The following ZNF366 variants were observed in gnomAD, a reference collection of about 807,000 sequenced individuals.
ZNF366 encodes the protein zinc finger protein 366, also known as dendritic cell-specific transcript protein.
In ZNF366, 20 loss-of-function variants were observed where a neutral mutation model predicts 47.2. The ratio of observed to expected loss-of-function variants is 0.42; its 90% CI spans 0.30 to 0.62. ZNF366 has a LOEUF of 0.62. Among genes scored for constraint, ZNF366 ranks in the 20% least tolerant of loss-of-function variants. ZNF366 has a pLI of 0.16. For synonymous variants in ZNF366, 421 were observed against 395.1 expected (o/e 1.07, Z -0.78); for missense variants, 987 against 976.3 (o/e 1.01, Z -0.15).
At chr5:72,447,455 C>G (rs1742982788) in intron 3 of ZNF366, 38 bp from the exon 4 acceptor site, 4 of 1,608,624 alleles carry the variant, frequency 2.5e-6, no homozygotes, top group Middle Eastern at 1.9e-4. Context: ...GTTACTCTGC[C>G]CGAGTGAAGC....
chr5:72,470,265 C>T (rs1002821030), intron 1 of ZNF366, among the ~76,000 whole-genome samples: 16 of 152,276 alleles, frequency 1.1e-4, no homozygotes, highest in African/African-American at 3.8e-4. Flanking sequence ...TCCTAAGTTG[C>T]CATGGCCCCA....
chr5:72,444,435 G>A (rs150528956), intron 4 of ZNF366, 144 bp from the exon 5 acceptor site: 11,160 of 998,758 alleles, frequency 0.011, 130 homozygotes, highest in Non-Finnish European at 0.011. Context: ...TGTGGTCTTG[G>A]GAGGCTTGTA....
At chr5:72,455,081 T>C (rs1454102046) in intron 3 of ZNF366, among the ~76,000 whole-genome samples, 2 of 152,314 alleles carry the variant, frequency 1.3e-5, no homozygotes, top group East Asian at 3.9e-4. Context: ...GATTCTTGCT[T>C]TAGACGGATG....
At chr5:72,491,958 G>A (rs1195850270) in intron 1 of ZNF366, among the ~76,000 whole-genome samples, 9 of 152,188 alleles carry the variant, frequency 5.9e-5, no homozygotes, top group African/African-American at 2.2e-4. Context: ...GGATGGTGGT[G>A]GTGGAGGAGT....
At position 72,460,807 on chromosome 5, in the gene ZNF366, C is replaced by G. The variant is rs1300302220; in HGVS notation, c.690G>C (p.Glu230Asp). ...CGATCTGCACGTTCACGTCCACCCTCTCCACCTTCTGCTTGGTCTCCTCGC... is the reference window on the plus strand; with the variant it reads ...CGATCTGCACGTTCACGTCCACCCTGTCCACCTTCTGCTTGGTCTCCTCGC... Reference protein sequence around the residue: ...QESEETKQKVERVDVNVQIDD... With the variant: ...QESEETKQKVDRVDVNVQIDD... Residue 230 changes from glutamate (E) to aspartate (D), a missense_variant, in exon 2 of 5, where the codon GAG becomes GAC. Glu to Asp is a conservative substitution (Grantham distance 45, BLOSUM62 2). This residue lies in a region of ZNF366 where 591 missense variants were observed against 560.9 expected (regional missense o/e 1.05). Coordinates refer to ENST00000318442, the MANE Select transcript of ZNF366 (RefSeq NM_152625.3). The G allele has an allele frequency of 6.2e-7, 1 of 1,614,204 alleles. No individual in the cohort carries two copies. The highest frequency in any genetic ancestry group is 8.5e-7 in the Non-Finnish European group (1 of 1,180,044).
intron 1 of ZNF366, among the ~76,000 whole-genome samples, chr5:72,476,071 C>T (rs1193609595): frequency 6.6e-6 from 1 of 152,076 alleles, no homozygotes; most frequent in Admixed American, 6.6e-5. Context: ...CTGGTAGCAC[C>T]ATAAAAAAAT....
intron 1 of ZNF366, among the ~76,000 whole-genome samples, chr5:72,464,140 G>C (rs1424797950): frequency 6.6e-6 from 1 of 152,096 alleles, no homozygotes; most frequent in Non-Finnish European, 1.5e-5. Flanking sequence ...GTACATGCTA[G>C]AGAGCTTGGG....
chr5:72,488,996 G>A (rs1192112033), intron 1 of ZNF366, among the ~76,000 whole-genome samples: 1 of 152,194 alleles, frequency 6.6e-6, no homozygotes, highest in Non-Finnish European at 1.5e-5. Context: ...AGGCAGGCAT[G>A]GCACATGACT....
intron 4 of ZNF366, among the ~76,000 whole-genome samples, chr5:72,446,712 C>A (rs1171642360): frequency 6.6e-6 from 1 of 152,194 alleles, no homozygotes; most frequent in Non-Finnish European, 1.5e-5. Context: ...TAGCCTGCTA[C>A]CAACATACTT....
At chr5:72,445,072 A>T (rs930561023) in intron 4 of ZNF366, among the ~76,000 whole-genome samples, 1 of 152,198 alleles carries the variant, frequency 6.6e-6, no homozygotes, top group Admixed American at 6.5e-5. Context: ...GCCTACTCAT[A>T]GACAGGGTAG....
Position 72,504,089 on chromosome 5 carries a change from GCA to G in ZNF366, c.-15+3160_-15+3161del, listed in dbSNP as rs146693782. Among the ~76,000 whole-genome samples the G allele has an allele frequency of 8.8e-3, 1,330 of 151,612 alleles. 17 individuals are homozygous for G. Among genetic ancestry groups the G allele is most frequent in the South Asian group, 0.051 (243 of 4,794 alleles). On this transcript the variant is annotated intron_variant, in intron 1 of 4. Coordinates refer to ENST00000318442, the MANE Select transcript of ZNF366 (RefSeq NM_152625.3). ...CACGCACGCACACACACATGCGCGC[GCA>G]CACACGCGTGCATGCACACACACAC...
intron 3 of ZNF366, among the ~76,000 whole-genome samples, chr5:72,453,957 G>A (rs1743129955): frequency 6.6e-6 from 1 of 152,212 alleles, no homozygotes; most frequent in African/African-American, 2.4e-5. Context: ...CTGACCTCTA[G>A]TGAGGTCTCC....
intron 4 of ZNF366, among the ~76,000 whole-genome samples, chr5:72,444,493 A>G (rs1164467292): frequency 2.0e-5 from 3 of 152,258 alleles, no homozygotes; most frequent in Non-Finnish European, 4.4e-5. Context: ...GAATTTGGCA[A>G]CATGCACCAA....
chr5:72,448,803 T>G (rs907295901), intron 3 of ZNF366, among the ~76,000 whole-genome samples: 2 of 151,800 alleles, frequency 1.3e-5, no homozygotes, highest in Non-Finnish European at 2.9e-5. Flanking sequence ...CTTGAAAGAG[T>G]AGATAGACCT....
intron 1 of ZNF366, among the ~76,000 whole-genome samples, chr5:72,503,365 C>T (rs1039046222): frequency 6.6e-5 from 10 of 152,076 alleles, no homozygotes; most frequent in African/African-American, 1.4e-4. Flanking sequence ...GCTCTTAAAA[C>T]GAGCATTTAC....
At chr5:72,454,235 T>C (rs1743135270) in intron 3 of ZNF366, among the ~76,000 whole-genome samples, 1 of 152,074 alleles carries the variant, frequency 6.6e-6, no homozygotes, top group Admixed American at 6.5e-5. Flanking sequence ...ATCATTGGAG[T>C]GGAGCAGGAA....
At chr5:72,504,733 C>A (rs1193940499) in intron 1 of ZNF366, among the ~76,000 whole-genome samples, 1 of 152,014 alleles carries the variant, frequency 6.6e-6, no homozygotes, top group Non-Finnish European at 1.5e-5. Flanking sequence ...AAATACAGTA[C>A]TCTTCAGTGT....
At chr5:72,459,052 T>C (rs560824666) in intron 2 of ZNF366, among the ~76,000 whole-genome samples, 10 of 152,292 alleles carry the variant, frequency 6.6e-5, no homozygotes, top group Non-Finnish European at 8.8e-5. Flanking sequence ...GCGACTCCCC[T>C]CTGGATAGTA....
chr5:72,463,533 C>T (rs1018654780), intron 1 of ZNF366, among the ~76,000 whole-genome samples: 1 of 152,210 alleles, frequency 6.6e-6, no homozygotes, highest in Admixed American at 6.5e-5. Context: ...CAGCCTGTGT[C>T]TTAGCTTTGC....
Sources: gnomAD v4.1 joint callset for allele counts (sites outside exome capture counted in the v4.1 genomes callset) on GRCh38, gnomAD v4.1.1 for gene constraint, gnomAD v4.1.1 regional missense constraint, MANE v1.5 for transcripts, NCBI Gene and HGNC (gene_info 2026-07-23, HGNC 2026-07-21) for gene names.